DNAJC13: variants seen among roughly 807,000 people sequenced by gnomAD.
DNAJC13 encodes dnaJ homolog subfamily C member 13.
DNAJC13 carries 75 observed loss-of-function variants against 290.5 expected under a neutral mutation model. The observed-to-expected ratio is 0.26, with a 90% CI of 0.21 to 0.31. The LOEUF (loss-of-function observed/expected upper bound fraction) is 0.31. Ranked by LOEUF, DNAJC13 falls within the 10% of genes least tolerant of loss-of-function variation. The pLI, the probability that DNAJC13 is intolerant of heterozygous loss-of-function variation, is 1.00. For missense variants in DNAJC13, 2,260 were observed against 2,674.5 expected (o/e 0.85, Z 3.42); for synonymous variants, 862 against 892.0 (o/e 0.97, Z 0.60).
intron 44 of DNAJC13, among the ~76,000 whole-genome samples, chr3:132,512,472 G>A (rs761866140): frequency 1.6e-4 from 25 of 152,244 alleles, no homozygotes; most frequent in Middle Eastern, 6.8e-3. Flanking sequence ...TGAACAAAAC[G>A]GAAGTAAATA....
At chr3:132,516,676 A>G (rs1315668876) in intron 47 of DNAJC13, 28 bp from the exon 48 acceptor site, 1 of 1,583,102 alleles carries the variant, frequency 6.3e-7, no homozygotes. Context: ...AATTCTTTAT[A>G]AGCACTAATT....
At chr3:132,450,626 T>A (rs1181316621) in intron 5 of DNAJC13, 21 bp from the exon 6 acceptor site, 1 of 1,559,102 alleles carries the variant, frequency 6.4e-7, no homozygotes, top group Admixed American at 1.7e-5. Flanking sequence ...AACCTAAAAG[T>A]AATACTGATT....
chr3:132,531,074 C>T lies in DNAJC13; in HGVS notation c.6602C>T (p.Ser2201Leu), dbSNP rs566470545. 3 of 1,614,026 alleles carry T rather than the reference C, an allele frequency of 1.9e-6. No homozygotes were observed. Among genetic ancestry groups the T allele is most frequent in the East Asian group, 2.2e-5 (1 of 44,860 alleles). The part of the protein sequence containing the change: ...DQKHDLFISE[S>L]QTAGYLTGPG... ...AAACATGATTTGTTCATTTCTGAGT[C>T]ACAAACAGCAGGATACCTCACAGGT... Residue 2201 changes from serine to leucine, a missense_variant, in exon 55 of 56, where the codon TCA becomes TTA. Coordinates refer to ENST00000260818, the MANE Select transcript of DNAJC13 (RefSeq NM_015268.4).
chr3:132,488,148 G>T (rs1174120950), intron 29 of DNAJC13, 150 bp from the exon 30 acceptor site: 4 of 539,816 alleles, frequency 7.4e-6, no homozygotes, highest in Non-Finnish European at 1.2e-5. Flanking sequence ...CAAATCTGTT[G>T]TGGGTCTGGT....
intron 18 of DNAJC13, 111 bp from the exon 19 acceptor site, chr3:132,466,188 T>C: frequency 7.2e-7 from 1 of 1,387,372 alleles, no homozygotes; most frequent in Non-Finnish European, 1.0e-6. Flanking sequence ...ATCATAGGAG[T>C]TACCGTAAAG....
Position 132,494,161 on chromosome 3 carries a change from T to C in DNAJC13, c.3843T>C (p.Asp1281=). Residue 1281 remains aspartate, a synonymous_variant, in exon 34 of 56, where the codon GAT becomes GAC. Coordinates refer to ENST00000260818, the MANE Select transcript of DNAJC13 (RefSeq NM_015268.4). ...PIKDPVKLLK[D]TLDAWKKEVE... ...TCTTTAAGGTTAAGCTTCTAAAAGA[T>C]ACCCTTGATGCCTGGAAGAAAGAAG... 6.2e-7 allele frequency: 1 copy of C among 1,609,014 alleles called. No homozygotes were observed. The highest frequency in any genetic ancestry group is 8.5e-7 in the Non-Finnish European group (1 of 1,178,280).
chr3:132,525,595 G>GT lies in DNAJC13; in HGVS notation c.6061-11dup. 6.2e-7 allele frequency: 1 copy of GT among 1,610,802 alleles called. No homozygotes were observed. Among genetic ancestry groups the GT allele is most frequent in the Non-Finnish European group, 8.5e-7 (1 of 1,178,786 alleles). ...AGTATTTTATAGTTGATTTATTTTT[G>GT]TTTTACACCTGCAGGGAGAAACTCT... On this transcript the variant is annotated splice_polypyrimidine_tract_variant and intron_variant, in intron 51 of 55. Coordinates refer to ENST00000260818, the MANE Select transcript of DNAJC13 (RefSeq NM_015268.4).
At position 132,482,260 on chromosome 3, in the gene DNAJC13, G is replaced by A. The variant is rs770079248; in HGVS notation, c.2909G>A (p.Arg970Lys). The A allele has an allele frequency of 6.2e-7, 1 of 1,613,784 alleles. No homozygotes were observed. Among genetic ancestry groups the A allele is most frequent in the South Asian group, 1.1e-5 (1 of 91,062 alleles). The change falls in exon 27 of 56, where the codon AGA becomes AAA. Residue 970 changes from arginine (R) to lysine (K), a missense_variant. Around this residue, in one of 3 missense-constraint regions of DNAJC13, gnomAD observed 1,494 missense variants for 1,693.7 expected, o/e 0.88. Coordinates refer to ENST00000260818, the MANE Select transcript of DNAJC13 (RefSeq NM_015268.4). ...ATTGAAGCTGCTCCAGATATGAAAA[G>A]AGAGAGTGAAAAGGAATGGTATTTT... ...NVIEAAPDMK[R>K]ESEKEWYFGN...
chr3:132,529,227 G>A (rs1936343658), intron 54 of DNAJC13, among the ~76,000 whole-genome samples: 1 of 151,942 alleles, frequency 6.6e-6, no homozygotes, highest in Non-Finnish European at 1.5e-5. Context: ...TGTCTATCTT[G>A]TCATTTAGCA....
intron 15 of DNAJC13, 86 bp from the exon 16 acceptor site, chr3:132,462,381 G>A: frequency 7.7e-7 from 1 of 1,299,934 alleles, no homozygotes; most frequent in South Asian, 1.3e-5. Context: ...GTGTAAAAAT[G>A]TATACCCTTC....
At position 132,499,232 on chromosome 3, in the gene DNAJC13, G is replaced by A. The variant is rs751122054; in HGVS notation, c.4263G>A (p.Ala1421=). 10 of 1,613,912 alleles carry A rather than the reference G, an allele frequency of 6.2e-6. No individual in the cohort carries two copies. The highest frequency in any genetic ancestry group is 1.3e-5 in the African/African-American group (1 of 74,890). Residue 1421 remains alanine (A), a synonymous_variant, in exon 37 of 56, where the codon GCG becomes GCA. Coordinates refer to ENST00000260818, the MANE Select transcript of DNAJC13 (RefSeq NM_015268.4). ...LFSKESPLLP[A]ATELAFHTVN... is the part of the protein sequence containing the mutation. ...CAAAAGAATCACCATTGTTGCCTGC[G>A]GCTACAGAGCTAGCTTTCCATACTG...
chr3:132,424,430 T>G (rs1415891564), intron 1 of DNAJC13, among the ~76,000 whole-genome samples: 1 of 152,148 alleles, frequency 6.6e-6, no homozygotes, highest in African/African-American at 2.4e-5. Context: ...ATGGTAAGTA[T>G]GCTTGTCCCC....
intron 55 of DNAJC13, among the ~76,000 whole-genome samples, chr3:132,535,052 G>A (rs1936547903): frequency 6.6e-6 from 1 of 152,166 alleles, no homozygotes; most frequent in African/African-American, 2.4e-5. Context: ...CAGCCCCTCT[G>A]TAATCATTGA....
At chr3:132,465,543 T>G (rs1933950781) in intron 17 of DNAJC13, among the ~76,000 whole-genome samples, 1 of 152,146 alleles carries the variant, frequency 6.6e-6, no homozygotes, top group Admixed American at 6.5e-5. Context: ...GAAGTGAAAA[T>G]AATTTTCTCT....
At chr3:132,537,058 T>G (rs1936612818) in intron 55 of DNAJC13, 1 of 451,530 alleles carries the variant, frequency 2.2e-6, no homozygotes. Context: ...GTGGCCTTTT[T>G]GTCCTCCACC....
At chr3:132,504,157 T>A (rs1935513206) in intron 41 of DNAJC13, among the ~76,000 whole-genome samples, 1 of 152,118 alleles carries the variant, frequency 6.6e-6, no homozygotes, top group Non-Finnish European at 1.5e-5. Context: ...ACTGTGACTT[T>A]TGTAAGTGAA....
intron 35 of DNAJC13, 26 bp from the exon 36 acceptor site, chr3:132,496,502 G>T: frequency 1.3e-6 from 2 of 1,536,372 alleles, no homozygotes; most frequent in South Asian, 2.6e-5. Context: ...CCAAATTAAC[G>T]TTAAATTATC....
At chr3:132,475,818 C>T (rs992134412) in intron 22 of DNAJC13, among the ~76,000 whole-genome samples, 9 of 152,178 alleles carry the variant, frequency 5.9e-5, no homozygotes, top group Non-Finnish European at 1.2e-4. Context: ...TGCTTCATCT[C>T]GCTGACCACT....
intron 9 of DNAJC13, among the ~76,000 whole-genome samples, chr3:132,455,189 A>T (rs1055332821): frequency 6.6e-6 from 1 of 152,190 alleles, no homozygotes; most frequent in Non-Finnish European, 1.5e-5. Flanking sequence ...AAACCAAGCG[A>T]CCCAATAGTA....
Sources: allele counts gnomAD v4.1 joint callset (sites outside exome capture counted in the v4.1 genomes callset), GRCh38; gene constraint gnomAD v4.1.1; regional missense constraint gnomAD v4.1.1; transcripts MANE v1.5; gene names NCBI Gene and HGNC (gene_info 2026-07-23, HGNC 2026-07-21).